The following CNTNAP5 variants were observed in gnomAD, a reference collection of about 807,000 sequenced individuals.
The protein encoded by CNTNAP5 is contactin-associated protein-like 5.
In CNTNAP5, 72 loss-of-function variants were observed where a neutral mutation model predicts 150.2. The ratio of observed to expected loss-of-function variants is 0.48; its 90% confidence interval spans 0.40 to 0.58. The LOEUF is 0.58. Among genes scored for constraint, CNTNAP5 ranks in the 20% least tolerant of loss-of-function variants. CNTNAP5 has a pLI of 0.00. For synonymous variants in CNTNAP5, 672 were observed against 619.8 expected (o/e 1.08, Z -1.25); for missense variants, 1,636 against 1,626.2 (o/e 1.01, Z -0.10).
chr2:124,207,386 G>A (rs1018778556), intron 1 of CNTNAP5, among the ~76,000 whole-genome samples: 1 of 152,092 alleles, frequency 6.6e-6, no homozygotes, highest in East Asian at 1.9e-4. Flanking sequence ...CCTTGTTCAG[G>A]AAAAGAACCC....
intron 6 of CNTNAP5, among the ~76,000 whole-genome samples, chr2:124,465,750 AT>A (rs1693362596): frequency 6.6e-6 from 1 of 152,204 alleles, no homozygotes; most frequent in Admixed American, 6.5e-5. Context: ...AAGACAAAAG[AT>A]TCCTCCCCTC....
At chr2:124,124,166 A>G (rs1173256118) in intron 1 of CNTNAP5, among the ~76,000 whole-genome samples, 2 of 152,194 alleles carry the variant, frequency 1.3e-5, no homozygotes, top group Non-Finnish European at 2.9e-5. Flanking sequence ...ATACTTGAAA[A>G]AAGATTAGAT....
chr2:124,280,122 TC>T (rs61651641), intron 3 of CNTNAP5, among the ~76,000 whole-genome samples: 202 of 151,974 alleles, frequency 1.3e-3, no homozygotes, highest in African/African-American at 4.5e-3. Context: ...TGTTTAAACA[TC>T]TCAGCCACCT....
chr2:124,272,839 C>T (rs1687794135), intron 3 of CNTNAP5, among the ~76,000 whole-genome samples: 1 of 152,110 alleles, frequency 6.6e-6, no homozygotes, highest in African/African-American at 2.4e-5. Flanking sequence ...TTCAAAACAT[C>T]GTAGAAAAGA....
chr2:124,167,588 T>A (rs76958879), intron 1 of CNTNAP5, among the ~76,000 whole-genome samples: 4,016 of 152,280 alleles, frequency 0.026, 193 homozygotes, highest in African/African-American at 0.091. Flanking sequence ...CTCTCCCTAG[T>A]ATTCTGAAAA....
intron 1 of CNTNAP5, among the ~76,000 whole-genome samples, chr2:124,094,990 G>A (rs1255994371): frequency 1.3e-5 from 2 of 152,188 alleles, no homozygotes; most frequent in Non-Finnish European, 2.9e-5. Flanking sequence ...AAGCTGCACT[G>A]CGTGTGTCTT....
At chr2:124,125,282 A>G (rs1683663008) in intron 1 of CNTNAP5, among the ~76,000 whole-genome samples, 1 of 152,182 alleles carries the variant, frequency 6.6e-6, no homozygotes, top group Admixed American at 6.5e-5. Flanking sequence ...GATAAAACAG[A>G]CTTTAAACCA....
chr2:124,885,551 A>T (rs62173293), intron 21 of CNTNAP5, among the ~76,000 whole-genome samples: 1 of 30,652 alleles, frequency 3.3e-5, no homozygotes, highest in East Asian at 3.2e-4. Flanking sequence ...CATTTTCATC[A>T]CACACACACA....
At chr2:124,738,405 C>T (rs182997117) in intron 13 of CNTNAP5, among the ~76,000 whole-genome samples, 33 of 152,226 alleles carry the variant, frequency 2.2e-4, no homozygotes, top group South Asian at 8.3e-4. Flanking sequence ...CTGTAAGTCT[C>T]GTGTTATTTC....
chr2:124,731,304 A>G, intron 13 of CNTNAP5, among the ~76,000 whole-genome samples: 1 of 151,994 alleles, frequency 6.6e-6, no homozygotes, highest in East Asian at 1.9e-4. Context: ...GCATGTAGGT[A>G]TTTATTTAAA....
chr2:124,818,272 A>G (rs1682410495), intron 19 of CNTNAP5, among the ~76,000 whole-genome samples: 1 of 152,140 alleles, frequency 6.6e-6, no homozygotes, highest in Non-Finnish European at 1.5e-5. Context: ...CCCTGGAAGT[A>G]TTAGGTAACT....
At chr2:124,655,718 C>T (rs1051536573) in intron 13 of CNTNAP5, among the ~76,000 whole-genome samples, 1 of 151,666 alleles carries the variant, frequency 6.6e-6, no homozygotes, top group Non-Finnish European at 1.5e-5. Flanking sequence ...GGCAACAAAG[C>T]AAGACCTTGA....
At chr2:124,084,614 T>G (rs1373484987) in intron 1 of CNTNAP5, among the ~76,000 whole-genome samples, 1 of 152,084 alleles carries the variant, frequency 6.6e-6, no homozygotes, top group Non-Finnish European at 1.5e-5. Flanking sequence ...CATGTATGTG[T>G]GTGTATAGTA....
intron 7 of CNTNAP5, among the ~76,000 whole-genome samples, chr2:124,486,596 T>C (rs1693885651): frequency 6.6e-6 from 1 of 152,194 alleles, no homozygotes; most frequent in African/African-American, 2.4e-5. Context: ...CTTGGACATC[T>C]GGAAAAGAGA....
intron 2 of CNTNAP5, among the ~76,000 whole-genome samples, chr2:124,231,181 C>T (rs867310262): frequency 6.6e-6 from 1 of 152,118 alleles, no homozygotes; most frequent in Non-Finnish European, 1.5e-5. Context: ...GATCACTGAA[C>T]CTTTTGTTAT....
intron 11 of CNTNAP5, among the ~76,000 whole-genome samples, chr2:124,585,163 A>G (rs1185012582): frequency 2.6e-5 from 4 of 152,194 alleles, no homozygotes; most frequent in Non-Finnish European, 5.9e-5. Context: ...TGGCTGGTAC[A>G]TGAAGCTGTA....
intron 1 of CNTNAP5, among the ~76,000 whole-genome samples, chr2:124,067,601 G>A (rs1682193155): frequency 6.6e-6 from 1 of 152,144 alleles, no homozygotes; most frequent in African/African-American, 2.4e-5. Context: ...TAAATTTACA[G>A]GTTCAAGAAA....
At chr2:124,600,604 A>C (rs936542252) in intron 11 of CNTNAP5, among the ~76,000 whole-genome samples, 5 of 152,136 alleles carry the variant, frequency 3.3e-5, no homozygotes, top group Non-Finnish European at 7.3e-5. Context: ...CAAGGAAAGG[A>C]ATTCTGGTAA....
intron 1 of CNTNAP5, among the ~76,000 whole-genome samples, chr2:124,148,785 ATACATATATG>A (rs1180510025): frequency 2.5e-5 from 1 of 39,382 alleles, no homozygotes; most frequent in Non-Finnish European, 6.3e-5. Context: ...ATATGTGTGT[ATACATATATG>A]TGTGTATACA....
Sources: gnomAD v4.1 joint callset for allele counts (sites outside exome capture counted in the v4.1 genomes callset) on GRCh38, gnomAD v4.1.1 for gene constraint, MANE v1.5 for transcripts, NCBI Gene and HGNC (gene_info 2026-07-23, HGNC 2026-07-21) for gene names.